The following TIPARP variants were observed in gnomAD, a reference collection of about 807,000 sequenced individuals.
The protein encoded by TIPARP is TCDD inducible poly(ADP-ribose) polymerase.
A neutral mutation model predicts 56.5 loss-of-function variants in TIPARP; 12 were observed. The observed-to-expected ratio is 0.21, with a 90% confidence interval of 0.14 to 0.34. The LOEUF is 0.34. Ranked by LOEUF, TIPARP falls within the 10% of genes least tolerant of loss-of-function variation. TIPARP has a pLI of 1.00. For missense variants in TIPARP, 604 were observed against 781.6 expected (o/e 0.77, Z 2.71); for synonymous variants, 296 against 265.7 (o/e 1.11, Z -1.11).
At chr3:156,686,102 CTG>C (rs1722421236) in intron 2 of TIPARP, among the ~76,000 whole-genome samples, 1 of 152,168 alleles carries the variant, frequency 6.6e-6, no homozygotes, top group Non-Finnish European at 1.5e-5. Flanking sequence ...ATCCTTGAAT[CTG>C]TGCAGAGTAT....
In TIPARP at chr3:156,678,483, T is replaced by C. The variant is rs1266675867; in HGVS notation, c.786T>C (p.Thr262=). ...IYGRDCLKHH[T]VLPYHWQIKR... is the part of the protein sequence containing the mutation. ...GCAGGGATTGTTTGAAGCACCACAC[T>C]GTCTTGCCATATCATTGGCAGATCA... is the stretch of plus-strand genomic sequence containing the variant. Residue 262 remains threonine (T), a synonymous_variant, in exon 2 of 6, where the codon ACT becomes ACC. Coordinates refer to ENST00000295924, the MANE Select transcript of TIPARP (RefSeq NM_015508.5). 6.2e-7 allele frequency: 1 copy of C among 1,614,108 alleles called. No individual in the cohort carries two copies. The highest frequency in any genetic ancestry group is 8.5e-7 in the Non-Finnish European group (1 of 1,180,044).
chr3:156,688,394 A>C (rs1490283222), intron 2 of TIPARP, among the ~76,000 whole-genome samples: 1 of 106,732 alleles, frequency 9.4e-6, no homozygotes, highest in Admixed American at 1.0e-4. Context: ...AAAAAAAAAA[A>C]AAACTGAAAG....
At position 156,703,319 on chromosome 3, in the gene TIPARP, C is replaced by T. The variant is rs1209996904; in HGVS notation, c.1248-105C>T. 2.5e-6 allele frequency: 3 copies of T among 1,196,014 alleles called. No individual in the cohort carries two copies. The Admixed American group carries it at 8.0e-5, about 32-fold the overall frequency. The allele number at this position is 1,196,014 out of a possible 1,614,324, so 74.1% of individuals were successfully genotyped here. On this transcript the variant is annotated intron_variant, in intron 4 of 5. Coordinates refer to ENST00000295924, the MANE Select transcript of TIPARP (RefSeq NM_015508.5). The stretch of plus-strand genomic sequence containing the variant: ...TTTACTTTTAAAATAAGCACTTAAG[C>T]TATACAGATTATAATATTAAGTAGA...
chr3:156,703,176 C>T (rs1722894696), intron 4 of TIPARP, among the ~76,000 whole-genome samples: 1 of 152,136 alleles, frequency 6.6e-6, no homozygotes, highest in South Asian at 2.1e-4. Context: ...TGCCTTGTAG[C>T]TATACATTCC....
chr3:156,702,232 G>A (rs1408020515), intron 4 of TIPARP, among the ~76,000 whole-genome samples: 2 of 152,096 alleles, frequency 1.3e-5, no homozygotes, highest in Non-Finnish European at 2.9e-5. Flanking sequence ...CTATCTAGAT[G>A]GGCCTGGCCT....
rs564177196 is a variant in TIPARP at position 156,703,747 on chromosome 3, C to G, written c.1526+45C>G. ...AGTTCAAGACGGCCGGGCGCAGTGG[C>G]TCAAGCCTGTAATCCCAGCACTTTG... On this transcript the variant is annotated intron_variant, in intron 5 of 5. Transcript: ENST00000295924. The G allele has an allele frequency of 1.6e-4, 254 of 1,560,162 alleles. 3 individuals carry two copies. The highest frequency in any genetic ancestry group is 4.5e-4 in the South Asian group (37 of 82,876).
intron 2 of TIPARP, among the ~76,000 whole-genome samples, chr3:156,686,010 A>G (rs538701280): frequency 4.6e-5 from 7 of 152,328 alleles, no homozygotes; most frequent in African/African-American, 1.4e-4. Flanking sequence ...ATTACCAGGC[A>G]TTTAGAGAGT....
chr3:156,685,534 G>A (rs750683359), intron 2 of TIPARP, among the ~76,000 whole-genome samples: 1 of 152,208 alleles, frequency 6.6e-6, no homozygotes, highest in Non-Finnish European at 1.5e-5. Context: ...TATTCTTCAT[G>A]CAAATTGAAG....
At chr3:156,681,095 ATT>A in intron 2 of TIPARP, 1 of 455,452 alleles carries the variant, frequency 2.2e-6, no homozygotes, top group Non-Finnish European at 4.4e-6. Context: ...TTTTCCTTGT[ATT>A]CCAAAGCGAT....
chr3:156,695,838 T>TTTTTTTTTTTTTTTTTTTTTTC, intron 3 of TIPARP, 27 bp from the exon 4 acceptor site: 1 of 1,331,958 alleles, frequency 7.5e-7, no homozygotes, highest in South Asian at 2.1e-5. Flanking sequence ...TTTTTTTTTT[T>TTTTTTTTTTTTTTTTTTTTTTC]TTTTTGTTCT....
intron 2 of TIPARP, among the ~76,000 whole-genome samples, chr3:156,692,095 G>A (rs1722591146): frequency 6.6e-6 from 1 of 152,160 alleles, no homozygotes. Flanking sequence ...CATAATGACT[G>A]CTGTTCTAAG....
chr3:156,677,660 T>A lies in TIPARP; in HGVS notation c.-38T>A, dbSNP rs762097848. ...ATCTTCCTTCCTTTCCTCGTAGGAT[T>A]TTTAGACTCTGAGGAGCAGTTGGAG... On this transcript the variant is annotated 5_prime_UTR_variant, in exon 2 of 6. Coordinates refer to ENST00000295924, the MANE Select transcript of TIPARP (RefSeq NM_015508.5). 6.6e-7 allele frequency: 1 copy of A among 1,512,800 alleles called. No homozygotes were observed. The highest frequency in any genetic ancestry group is 8.8e-7 in the Non-Finnish European group (1 of 1,132,488). 93.7% of individuals were successfully genotyped at this position (1,512,800 alleles called of 1,614,324 possible). A position where few individuals can be genotyped will look rare whatever the true frequency, so the allele number is the denominator to read the frequency against.
At chr3:156,682,535 T>C (rs1722334000) in intron 2 of TIPARP, among the ~76,000 whole-genome samples, 1 of 152,198 alleles carries the variant, frequency 6.6e-6, no homozygotes, top group Admixed American at 6.5e-5. Flanking sequence ...GAAATGTATA[T>C]TAATGATCAT....
At chr3:156,701,614 T>C (rs1197673299) in intron 4 of TIPARP, among the ~76,000 whole-genome samples, 3 of 152,196 alleles carry the variant, frequency 2.0e-5, no homozygotes, top group Non-Finnish European at 4.4e-5. Context: ...GTTATAGATA[T>C]TTGAGAATCT....
intron 2 of TIPARP, among the ~76,000 whole-genome samples, chr3:156,692,110 C>A (rs1210783507): frequency 2.6e-5 from 4 of 152,022 alleles, no homozygotes; most frequent in Non-Finnish European, 4.4e-5. Context: ...TCTAAGAACT[C>A]CTTAAAGGAA....
intron 2 of TIPARP, among the ~76,000 whole-genome samples, chr3:156,684,935 C>T (rs1383960355): frequency 6.6e-6 from 1 of 152,150 alleles, no homozygotes; most frequent in Non-Finnish European, 1.5e-5. Context: ...GATTAATTCA[C>T]TTGTTAATAG....
chr3:156,694,137 A>G lies in TIPARP; in HGVS notation c.1035A>G (p.Thr345=). The G allele has an allele frequency of 6.2e-7, 1 of 1,613,164 alleles. No individual in the cohort carries two copies. The highest frequency in any genetic ancestry group is 8.5e-7 in the Non-Finnish European group (1 of 1,179,544). The change falls in exon 3 of 6, where the codon ACA becomes ACG. Residue 345 remains threonine, a synonymous_variant. Transcript: ENST00000295924. ...PSSNVNSIYH[T]VWKFFCRDHF... ...GCAATGTCAACTCTATTTACCACACAGTCTGGAAATTCTTCTGTAGGGACC... is the reference window on the plus strand; with the variant it reads ...GCAATGTCAACTCTATTTACCACACGGTCTGGAAATTCTTCTGTAGGGACC...
At chr3:156,689,348 G>T (rs1245450624) in intron 2 of TIPARP, among the ~76,000 whole-genome samples, 2 of 152,026 alleles carry the variant, frequency 1.3e-5, no homozygotes, top group African/African-American at 4.8e-5. Context: ...AAATACTTCA[G>T]CTCATTCCTA....
chr3:156,677,517 T>C, intron 1 of TIPARP, 140 bp from the exon 2 acceptor site: 6 of 575,950 alleles, frequency 1.0e-5, no homozygotes, highest in Non-Finnish European at 1.4e-5. Flanking sequence ...AAATTTAAAA[T>C]TGACTTGTAA....
Sources: gnomAD v4.1 joint callset for allele counts (sites outside exome capture counted in the v4.1 genomes callset) on GRCh38, gnomAD v4.1.1 for gene constraint, MANE v1.5 for transcripts, NCBI Gene and HGNC (gene_info 2026-07-23, HGNC 2026-07-21) for gene names.